Variants in ADAMTS20 observed in about 807,000 individuals in gnomAD.
ADAMTS20 encodes A disintegrin and metalloproteinase with thrombospondin motifs 20.
A neutral mutation model predicts 260.1 loss-of-function variants in ADAMTS20; 225 were observed. The ratio of observed to expected loss-of-function variants is 0.87; its 90% confidence interval spans 0.78 to 0.97. ADAMTS20 has a LOEUF of 0.97. ADAMTS20 is among the 50% of genes least tolerant of loss of function. The probability of loss-of-function intolerance (pLI) is 0.00; values close to 1 mark genes in which losing one functional copy is unlikely to be tolerated. For synonymous variants in ADAMTS20, 802 were observed against 769.5 expected (o/e 1.04, Z -0.70); for missense variants, 2,400 against 2,337.7 (o/e 1.03, Z -0.55).
intron 3 of ADAMTS20, among the ~76,000 whole-genome samples, chr12:43,529,584 A>AG (rs1225377981): frequency 6.6e-6 from 1 of 152,182 alleles, no homozygotes; most frequent in African/African-American, 2.4e-5. Flanking sequence ...GTTCTCACTT[A>AG]TAAGTGGGAG....
At chr12:43,526,322 GT>G (rs1230809636) in intron 3 of ADAMTS20, among the ~76,000 whole-genome samples, 1 of 152,152 alleles carries the variant, frequency 6.6e-6, no homozygotes, top group Non-Finnish European at 1.5e-5. Flanking sequence ...GCCAGGCGTG[GT>G]GGCGGGCACC....
chr12:43,385,991 A>C (rs1940467655), intron 29 of ADAMTS20, among the ~76,000 whole-genome samples: 1 of 152,088 alleles, frequency 6.6e-6, no homozygotes, highest in African/African-American at 2.4e-5. Context: ...CTGTGGGATC[A>C]GTGGTGATAT....
chr12:43,413,116 A>AT (rs1216951177), intron 28 of ADAMTS20, among the ~76,000 whole-genome samples: 1 of 151,980 alleles, frequency 6.6e-6, no homozygotes, highest in Admixed American at 6.6e-5. Flanking sequence ...GCCGGTAATA[A>AT]TTTTTTTATT....
chr12:43,427,494 T>C (rs367645785), intron 26 of ADAMTS20, 25 bp from the exon 27 acceptor site: 7 of 1,568,738 alleles, frequency 4.5e-6, no homozygotes, highest in African/African-American at 4.1e-5. Context: ...ACACAAAATA[T>C]GCACAAACTG....
intron 10 of ADAMTS20, among the ~76,000 whole-genome samples, chr12:43,463,290 T>TA (rs1223847537): frequency 6.6e-6 from 1 of 152,200 alleles, no homozygotes; most frequent in African/African-American, 2.4e-5. Context: ...TTTCTCTCTT[T>TA]ACAAGATATC....
chr12:43,413,946 G>A (rs917760437), intron 28 of ADAMTS20, among the ~76,000 whole-genome samples: 6 of 151,928 alleles, frequency 3.9e-5, no homozygotes, highest in Admixed American at 2.0e-4. Flanking sequence ...ATATTCTTTC[G>A]TTTTAACATT....
intron 2 of ADAMTS20, among the ~76,000 whole-genome samples, chr12:43,538,931 C>CT (rs1216394110): frequency 1.2e-5 from 1 of 84,668 alleles, no homozygotes; most frequent in Non-Finnish European, 2.5e-5. Flanking sequence ...GTAAATAATT[C>CT]TTTAATTTTT....
At chr12:43,482,961 G>A (rs1942464695) in intron 7 of ADAMTS20, among the ~76,000 whole-genome samples, 1 of 152,148 alleles carries the variant, frequency 6.6e-6, no homozygotes, top group South Asian at 2.1e-4. Flanking sequence ...TGTCACCACT[G>A]CCTGCATCAG....
intron 2 of ADAMTS20, among the ~76,000 whole-genome samples, chr12:43,550,314 C>T (rs275635): frequency 0.94 from 142,422 of 152,178 alleles, 67,128 homozygotes; most frequent in East Asian, 0.99. Flanking sequence ...AAAAATATAA[C>T]AGACATAACC....
At chr12:43,460,213 T>C (rs1942035277) in intron 11 of ADAMTS20, among the ~76,000 whole-genome samples, 1 of 152,228 alleles carries the variant, frequency 6.6e-6, no homozygotes, top group African/African-American at 2.4e-5. Context: ...TTGCTTTCAA[T>C]CTGCATTGGC....
chr12:43,413,108 C>T (rs751492907), intron 28 of ADAMTS20, among the ~76,000 whole-genome samples: 25 of 151,976 alleles, frequency 1.6e-4, no homozygotes, highest in Non-Finnish European at 2.6e-4. Flanking sequence ...CGTGCCTGGC[C>T]GGTAATAATT....
At chr12:43,359,619 A>T in intron 37 of ADAMTS20, among the ~76,000 whole-genome samples, 1 of 152,174 alleles carries the variant, frequency 6.6e-6, no homozygotes, top group Non-Finnish European at 1.5e-5. Context: ...TATCCTAATC[A>T]AGACGTATGG....
intron 3 of ADAMTS20, among the ~76,000 whole-genome samples, chr12:43,503,941 A>G (rs570837664): frequency 6.6e-6 from 1 of 151,700 alleles, no homozygotes; most frequent in Non-Finnish European, 1.5e-5. Flanking sequence ...ATGTACCACC[A>G]TTTTCTTTAT....
In ADAMTS20 at chr12:43,551,689, G is replaced by A; in HGVS notation, c.91+142C>T. 1 of 869,434 alleles carries A rather than the reference G, an allele frequency of 1.2e-6. No individual in the cohort carries two copies. The highest frequency in any genetic ancestry group is 1.8e-6 in the Non-Finnish European group (1 of 556,374). The allele number at this position is 869,434 out of a possible 1,614,324, so 53.9% of individuals were successfully genotyped here. ...ACCCGGCGCAGTCGCGACCTCTCCG[G>A]CTGACTGGTCCGGGAGTCCCGGGAG... On this transcript the variant is annotated intron_variant, in intron 1 of 38. Transcript: ENST00000389420. This position sits in a 1 kb window ranked among gnomAD's most constrained non-coding sequence, Gnocchi z 4.6.
intron 2 of ADAMTS20, among the ~76,000 whole-genome samples, chr12:43,547,092 T>C (rs1307834900): frequency 6.6e-6 from 1 of 152,214 alleles, no homozygotes; most frequent in Non-Finnish European, 1.5e-5. Flanking sequence ...TAAAAGAAAG[T>C]ATTAGTTCAC....
chr12:43,505,109 G>A (rs911791864), intron 3 of ADAMTS20, among the ~76,000 whole-genome samples: 1 of 152,122 alleles, frequency 6.6e-6, no homozygotes, highest in Non-Finnish European at 1.5e-5. Flanking sequence ...TTTGACAAGA[G>A]TGCCAAGACC....
At chr12:43,546,653 T>G (rs373585502) in intron 2 of ADAMTS20, among the ~76,000 whole-genome samples, 1 of 152,260 alleles carries the variant, frequency 6.6e-6, no homozygotes, top group South Asian at 2.1e-4. Flanking sequence ...AAAAGAAGTT[T>G]AGAGTTGGAT....
At chr12:43,501,498 C>G (rs1942765926) in intron 4 of ADAMTS20, among the ~76,000 whole-genome samples, 1 of 151,386 alleles carries the variant, frequency 6.6e-6, no homozygotes, top group East Asian at 2.0e-4. Flanking sequence ...CACACACACA[C>G]ACACATGTAA....
intron 28 of ADAMTS20, among the ~76,000 whole-genome samples, chr12:43,415,383 A>T (rs1941110877): frequency 6.6e-6 from 1 of 152,130 alleles, no homozygotes; most frequent in Non-Finnish European, 1.5e-5. Context: ...CTCCAGTCCA[A>T]ATTGATGTCT....
Sources: gnomAD v4.1 joint callset for allele counts (sites outside exome capture counted in the v4.1 genomes callset) on GRCh38, gnomAD v4.1.1 for gene constraint, Gnocchi (gnomAD v3.1) non-coding constraint, MANE v1.5 for transcripts, NCBI Gene and HGNC (gene_info 2026-07-23, HGNC 2026-07-21) for gene names.